AQP9: variants seen among roughly 807,000 people sequenced by gnomAD.
The protein encoded by AQP9 is aquaporin-9.
AQP9 carries 19 observed loss-of-function variants against 23.8 expected under a neutral mutation model. The observed-to-expected ratio is 0.80, with a 90% CI of 0.56 to 1.17. AQP9 has a LOEUF of 1.17. Ranked by LOEUF, AQP9 falls within the 50% of genes most tolerant of loss-of-function variation. The probability of loss-of-function intolerance (pLI) is 0.00; values close to 1 mark genes in which losing one functional copy is unlikely to be tolerated. For missense variants in AQP9, 413 were observed against 362.0 expected, an observed-to-expected ratio of 1.14 and a Z score of -1.14; for synonymous variants, 153 against 131.5, an observed-to-expected ratio of 1.16 and a Z score of -1.12.
chr15:58,175,898 T>TA (rs1388176900), intron 4 of AQP9, among the ~76,000 whole-genome samples: 1 of 152,206 alleles, frequency 6.6e-6, no homozygotes, highest in African/African-American at 2.4e-5. Context: ...AAGTGTTCAT[T>TA]AAAAACTCAC....
At chr15:58,177,753 A>G (rs1326392617) in intron 4 of AQP9, among the ~76,000 whole-genome samples, 1 of 152,242 alleles carries the variant, frequency 6.6e-6, no homozygotes, top group Admixed American at 6.5e-5. Flanking sequence ...CACATAATAA[A>G]TGTTCAATAA....
At chr15:58,183,275 G>A (rs1443097021) in intron 5 of AQP9, among the ~76,000 whole-genome samples, 2 of 152,094 alleles carry the variant, frequency 1.3e-5, no homozygotes, top group African/African-American at 2.4e-5. Context: ...TTATTTACAT[G>A]GATTTTCTCT....
intron 1 of AQP9, among the ~76,000 whole-genome samples, chr15:58,159,077 T>C (rs1898319797): frequency 6.6e-6 from 1 of 152,316 alleles, no homozygotes; most frequent in African/African-American, 2.4e-5. Context: ...CAATAAAACC[T>C]GTGGGCTGAT....
intron 1 of AQP9, chr15:58,163,981 A>G (rs1290478933): frequency 6.6e-6 from 1 of 152,516 alleles, no homozygotes; most frequent in Non-Finnish European, 1.5e-5. Flanking sequence ...TCAGGCTACA[A>G]TAAAACATTT....
intron 3 of AQP9, 96 bp downstream of exon 3, chr15:58,173,301 G>A (rs1465331223): frequency 4.6e-6 from 7 of 1,537,114 alleles, no homozygotes; most frequent in African/African-American, 2.7e-5. Flanking sequence ...AAGCAAGGAC[G>A]GGAAGCATTC....
At chr15:58,169,089 G>C (rs1275175092) in intron 2 of AQP9, among the ~76,000 whole-genome samples, 4 of 152,212 alleles carry the variant, frequency 2.6e-5, no homozygotes, top group African/African-American at 9.7e-5. Context: ...GAAAGAACCA[G>C]CAGGAAGAAG....
intron 2 of AQP9, among the ~76,000 whole-genome samples, chr15:58,172,694 A>G (rs1898650013): frequency 1.3e-5 from 2 of 152,172 alleles, no homozygotes; most frequent in South Asian, 2.1e-4. Flanking sequence ...GGATAAGCAT[A>G]TTGACTTTTA....
chr15:58,144,191 GATATTT>G (rs1349988428), intron 1 of AQP9, among the ~76,000 whole-genome samples: 4 of 151,712 alleles, frequency 2.6e-5, no homozygotes, highest in Admixed American at 2.6e-4. Flanking sequence ...ATTGTTATAG[GATATTT>G]ATATTTATTT....
At chr15:58,155,403 AC>A in intron 1 of AQP9, 1 of 152,250 alleles carries the variant, frequency 6.6e-6, no homozygotes, top group East Asian at 1.9e-4. Context: ...TATTCTACAA[AC>A]CTGCTATCAG....
chr15:58,172,917 T>A, intron 2 of AQP9, 151 bp from the exon 3 acceptor site: 2 of 885,432 alleles, frequency 2.3e-6, no homozygotes, highest in South Asian at 3.5e-5. Flanking sequence ...AGATACACAC[T>A]CTCTCTTTCA....
At chr15:58,177,026 C>T (rs532004874) in intron 4 of AQP9, among the ~76,000 whole-genome samples, 10 of 152,212 alleles carry the variant, frequency 6.6e-5, no homozygotes, top group Admixed American at 2.6e-4. Flanking sequence ...TATTAGAAAA[C>T]CCTGAGGCTG....
chr15:58,141,627 T>C (rs1396183659), intron 1 of AQP9, among the ~76,000 whole-genome samples: 2 of 152,164 alleles, frequency 1.3e-5, no homozygotes, highest in African/African-American at 4.8e-5. Flanking sequence ...GGATGGTTGA[T>C]TGTATGTGAG....
intron 1 of AQP9, among the ~76,000 whole-genome samples, chr15:58,166,033 G>A (rs1424974721): frequency 6.6e-6 from 1 of 152,144 alleles, no homozygotes; most frequent in Non-Finnish European, 1.5e-5. Flanking sequence ...TCTAATGCAT[G>A]GTACAAATGG....
At chr15:58,161,115 A>G (rs765803479) in intron 1 of AQP9, among the ~76,000 whole-genome samples, 5 of 152,086 alleles carry the variant, frequency 3.3e-5, no homozygotes, top group Non-Finnish European at 7.4e-5. Flanking sequence ...TTCATCTGGC[A>G]TGGTCTCTGG....
chr15:58,151,980 T>TA (rs1898159793), intron 1 of AQP9: 1 of 152,184 alleles, frequency 6.6e-6, no homozygotes, highest in South Asian at 2.1e-4. Context: ...CAAACGGACT[T>TA]AAAATCACTA....
At position 58,184,088 on chromosome 15, in the gene AQP9, C is replaced by A; in HGVS notation, c.841C>A (p.Gln281Lys). 1.2e-6 allele frequency: 2 copies of A among 1,614,056 alleles called. No homozygotes were observed. The highest frequency in any genetic ancestry group is 1.6e-4 in the Middle Eastern group (1 of 6,062). ...PEPDSVFKTE[Q>K]SEDKPEKYEL... ...GCCTGACTCAGTCTTTAAGACAGAA[C>A]AATCTGAGGACAAACCAGAGAAATA... is the stretch of plus-strand genomic sequence containing the variant. Residue 281 changes from glutamine (Q) to lysine (K), a missense_variant, in exon 6 of 6, where the codon CAA becomes AAA. Transcript: ENST00000219919.
Position 58,179,198 on chromosome 15 carries a change from G to A in AQP9, c.566G>A (p.Arg189Lys), listed in dbSNP as rs765768471. 2 of 1,614,076 alleles carry A rather than the reference G, an allele frequency of 1.2e-6. No homozygotes were observed. Among genetic ancestry groups the A allele is most frequent in the South Asian group, 2.2e-5 (2 of 91,076 alleles). Residue 189 changes from arginine to lysine, a missense_variant, in exon 5 of 6, where the codon AGA becomes AAA. Arg to Lys is a conservative substitution (Grantham distance 26, BLOSUM62 2). Coordinates refer to ENST00000219919, the MANE Select transcript of AQP9 (RefSeq NM_020980.5). ...GACTCCAGAAACTTGGGAGCCCCCAGAGGCCTAGAGCCCATTGCCATCGGC... is the reference window on the plus strand; with the variant it reads ...GACTCCAGAAACTTGGGAGCCCCCAAAGGCCTAGAGCCCATTGCCATCGGC... ...IFDSRNLGAP[R>K]GLEPIAIGLL...
At chr15:58,183,737 C>A (rs1193165716) in intron 5 of AQP9, among the ~76,000 whole-genome samples, 3 of 152,092 alleles carry the variant, frequency 2.0e-5, no homozygotes, top group African/African-American at 7.2e-5. Flanking sequence ...CATAATATCT[C>A]ACAAATATTA....
At chr15:58,142,832 G>A (rs1335162715) in intron 1 of AQP9, among the ~76,000 whole-genome samples, 1 of 152,068 alleles carries the variant, frequency 6.6e-6, no homozygotes, top group Non-Finnish European at 1.5e-5. Context: ...TCCAAGTCTA[G>A]GGTGCCCAGG....
Sources: gnomAD v4.1 joint callset for allele counts (sites outside exome capture counted in the v4.1 genomes callset) on GRCh38, gnomAD v4.1.1 for gene constraint, MANE v1.5 for transcripts, NCBI Gene and HGNC (gene_info 2026-07-23, HGNC 2026-07-21) for gene names.